Variants in LYSMD4 observed in about 807,000 individuals in gnomAD.
LYSMD4 encodes the protein LysM domain containing 4, also known as lysM and putative peptidoglycan-binding domain-containing protein 4.
Under a neutral mutation model 6.1 loss-of-function variants are expected in LYSMD4, and 9 were observed. The observed-to-expected ratio is 1.47, with a 90% CI of 0.88 to 2.56. The LOEUF is 2.56. Among genes scored for constraint, LYSMD4 ranks in the 30% most tolerant of loss-of-function variants. The pLI is 0.00. For missense variants in LYSMD4, 384 were observed against 373.5 expected (o/e 1.03, Z -0.23); for synonymous variants, 143 against 148.5 (o/e 0.96, Z 0.27).
At chr15:99,720,274 T>A (rs1193812816), upstream of LYSMD4, among the ~76,000 whole-genome samples, 1 of 152,260 alleles carries the variant, frequency 6.6e-6, no homozygotes, top group Non-Finnish European at 1.5e-5. Context: ...TTTAGATTGC[T>A]GATGCATTTG....
At chr15:99,724,001 C>T (rs572368002), downstream of LYSMD4, among the ~76,000 whole-genome samples, 23 of 151,116 alleles carry the variant, frequency 1.5e-4, 1 homozygote, top group South Asian at 4.1e-4. Flanking sequence ...ATTTCCTTCA[C>T]GCCAGGCCAC....
intron 2 of LYSMD4, among the ~76,000 whole-genome samples, chr15:99,730,736 A>G (rs1201998165): frequency 6.6e-6 from 1 of 152,238 alleles, no homozygotes; most frequent in African/African-American, 2.4e-5. Flanking sequence ...TTCAAATAGG[A>G]AAACTGATCA....
chr15:99,724,936 A>G (rs1013026946), downstream of LYSMD4, among the ~76,000 whole-genome samples: 1 of 152,150 alleles, frequency 6.6e-6, no homozygotes, highest in Admixed American at 6.6e-5. Flanking sequence ...TGCAGGAGCA[A>G]GGAGGCTGCC....
chr15:99,715,834 G>A (rs985022812), exon 1 of LYSMD4: 7 of 152,350 alleles, frequency 4.6e-5, no homozygotes, highest in East Asian at 3.9e-4. Context: ...GGAAGTCACT[G>A]TTGTGTGTAC....
intron 2 of LYSMD4, chr15:99,731,503 C>G: frequency 6.3e-7 from 1 of 1,579,392 alleles, no homozygotes; most frequent in Non-Finnish European, 8.6e-7. Flanking sequence ...GAAAGAAATG[C>G]GCTAACCCTC....
At chr15:99,717,595 C>T (rs1381796528) in exon 1 of LYSMD4, 1 of 152,208 alleles carries the variant, frequency 6.6e-6, no homozygotes, top group Admixed American at 6.5e-5. Context: ...CTGATCCCAG[C>T]TGTTGCAGGC....
exon 1 of LYSMD4, chr15:99,716,678 G>C (rs780115274): frequency 8.8e-6 from 4 of 456,714 alleles, no homozygotes; most frequent in South Asian, 6.2e-5. Context: ...CCCCCTTGTC[G>C]GCTCCCGGGT....
downstream of LYSMD4, among the ~76,000 whole-genome samples, chr15:99,724,719 T>C (rs991561621): frequency 2.6e-5 from 4 of 152,220 alleles, no homozygotes; most frequent in African/African-American, 9.6e-5. Flanking sequence ...GATAGTGAAA[T>C]GGTGATGTAC....
chr15:99,725,715 A>G (rs1450126679), downstream of LYSMD4, among the ~76,000 whole-genome samples: 1 of 151,968 alleles, frequency 6.6e-6, no homozygotes, highest in Non-Finnish European at 1.5e-5. Context: ...GCCAGTAGAA[A>G]TTTTCTCTGC....
upstream of LYSMD4, among the ~76,000 whole-genome samples, chr15:99,718,909 G>GCACACACA (rs57143734): frequency 2.7e-5 from 4 of 150,712 alleles, no homozygotes; most frequent in South Asian, 2.1e-4. Context: ...GTAGTTATGC[G>GCACACACA]CACACACACA....
chr15:99,723,830 T>C (rs1311540951), downstream of LYSMD4, among the ~76,000 whole-genome samples: 2 of 144,162 alleles, frequency 1.4e-5, 1 homozygote, highest in African/African-American at 5.9e-5. Context: ...GTGACCAGCA[T>C]TCTTCACTTC....
chr15:99,731,105 G>A, intron 2 of LYSMD4: 1 of 1,458,202 alleles, frequency 6.9e-7, no homozygotes, highest in Non-Finnish European at 9.6e-7. Flanking sequence ...GTAGCACAGT[G>A]TTAGCAAAGT....
At chr15:99,722,076 C>T (rs2059241792), upstream of LYSMD4, among the ~76,000 whole-genome samples, 3 of 152,118 alleles carry the variant, frequency 2.0e-5, no homozygotes, top group South Asian at 2.1e-4. Context: ...TGTGAGAAAA[C>T]CGCAGAGTCA....
intron 2 of LYSMD4, among the ~76,000 whole-genome samples, chr15:99,730,530 A>G (rs1253086499): frequency 6.6e-6 from 1 of 152,272 alleles, no homozygotes; most frequent in East Asian, 1.9e-4. Flanking sequence ...ACTTAAGTCC[A>G]CTTAAACTAG....
intron 2 of LYSMD4, 29 bp downstream of exon 2, chr15:99,731,689 C>T (rs372965949): frequency 6.5e-7 from 1 of 1,547,358 alleles, no homozygotes; most frequent in East Asian, 2.3e-5. Flanking sequence ...TGAAACGGAG[C>T]GGGGCAGGGC....
chr15:99,732,142 G>A, intron 1 of LYSMD4, 135 bp from the exon 2 acceptor site: 5 of 907,698 alleles, frequency 5.5e-6, no homozygotes, highest in Middle Eastern at 3.6e-4. Context: ...ATCATCAACA[G>A]AAAAAAAAGA....
chr15:99,731,681 A>C, intron 2 of LYSMD4, 37 bp downstream of exon 2: 1 of 1,540,494 alleles, frequency 6.5e-7, no homozygotes, highest in Non-Finnish European at 8.7e-7. Flanking sequence ...GTGTTCCTTG[A>C]AACGGAGCGG....
rs2059306203 is a variant in LYSMD4, at chr15:99,727,857, T to A, written c.*1266A>T. ...GCAGTGTCTGCCTCCTGTCCAGAAC[T>A]CTTGGAGGCCGGGCCAGCAGCCATC... On this transcript the variant is annotated 3_prime_UTR_variant, in exon 3 of 3. Transcript: ENST00000684762. 1 of 152,334 alleles carries A rather than the reference T, an allele frequency of 6.6e-6. No individual in the cohort carries two copies. The highest frequency in any genetic ancestry group is 2.1e-4 in the South Asian group (1 of 4,826). The allele number at this position is 152,334 out of a possible 1,614,324, so 9.4% of individuals were successfully genotyped here. A position where few individuals can be genotyped will look rare whatever the true frequency, so the allele number is the denominator to read the frequency against.
upstream of LYSMD4, among the ~76,000 whole-genome samples, chr15:99,722,008 G>A (rs574923524): frequency 3.0e-3 from 458 of 152,224 alleles, 6 homozygotes; most frequent in African/African-American, 0.011. Flanking sequence ...TACTGGGGAG[G>A]GGGAAGCTGG....
Sources: allele counts gnomAD v4.1 joint callset (sites outside exome capture counted in the v4.1 genomes callset), GRCh38; gene constraint gnomAD v4.1.1; transcripts MANE v1.5; gene names NCBI Gene and HGNC (gene_info 2026-07-23, HGNC 2026-07-21).